RPS6KA2: variants seen among roughly 807,000 people sequenced by gnomAD.
RPS6KA2 encodes the protein ribosomal protein S6 kinase A2.
A neutral mutation model predicts 91.8 loss-of-function variants in RPS6KA2; 42 were observed. The observed-to-expected ratio is 0.46, with a 90% CI of 0.36 to 0.59. The LOEUF is 0.59. Among genes scored for constraint, RPS6KA2 ranks in the 20% least tolerant of loss-of-function variants. The probability of loss-of-function intolerance (pLI) is 0.00; values close to 1 mark genes in which losing one functional copy is unlikely to be tolerated. For missense variants in RPS6KA2, 798 were observed against 978.5 expected (o/e 0.82, Z 2.46); for synonymous variants, 414 against 393.6 (o/e 1.05, Z -0.61).
chr6:166,577,304 C>T (rs55782329), intron 1 of RPS6KA2, among the ~76,000 whole-genome samples: 1,891 of 152,280 alleles, frequency 0.012, 10 homozygotes, highest in Non-Finnish European at 0.016. Flanking sequence ...AGAAGGCCAC[C>T]ATCCTCCAGA....
In RPS6KA2 at chr6:166,579,257, T is replaced by C. The variant is rs140560788; in HGVS notation, c.100-40473A>G. Among the ~76,000 whole-genome samples, 528 of 152,332 alleles carry C rather than the reference T, an allele frequency of 3.5e-3. 2 individuals are homozygous for C. The highest frequency in any genetic ancestry group is 0.012 in the African/African-American group (506 of 41,566). ...TGAGTGCCATTATGATAAAATGTCA[T>C]GTTATTATAAAATTTGAAGTTATAA... On this transcript the variant is annotated intron_variant, in intron 1 of 20. Transcript: ENST00000265678.
chr6:166,576,074 TCAGGGG>T (rs1784829792), intron 1 of RPS6KA2, among the ~76,000 whole-genome samples: 1 of 152,194 alleles, frequency 6.6e-6, no homozygotes, highest in African/African-American at 2.4e-5. Flanking sequence ...GATGGGTTTA[TCAGGGG>T]CTTCTGCCTT....
chr6:166,441,353 G>A (rs2235293), intron 14 of RPS6KA2, among the ~76,000 whole-genome samples: 2,079 of 152,214 alleles, frequency 0.014, 58 homozygotes, highest in East Asian at 0.099. Context: ...CTCAACTGCT[G>A]TTTCTCTTTG....
At chr6:166,739,602 A>G (rs1790755949) in intron 2 of RPS6KA2, among the ~76,000 whole-genome samples, 1 of 152,246 alleles carries the variant, frequency 6.6e-6, no homozygotes, top group Non-Finnish European at 1.5e-5. Context: ...AAAGACAGGA[A>G]AAGAGGGTGT....
chr6:166,857,045 C>A (rs889349632), intron 2 of RPS6KA2, among the ~76,000 whole-genome samples: 1 of 152,200 alleles, frequency 6.6e-6, no homozygotes, highest in Non-Finnish European at 1.5e-5. Flanking sequence ...CGTAAGGCAG[C>A]TGAATGCCAT....
At chr6:166,660,398 G>A (rs1009202123) in intron 2 of RPS6KA2, among the ~76,000 whole-genome samples, 6 of 110,830 alleles carry the variant, frequency 5.4e-5, no homozygotes, top group South Asian at 2.6e-4. Flanking sequence ...GCATGCGTGC[G>A]TGTGTGTGTG....
At chr6:166,600,033 A>C (rs1785675716) in intron 1 of RPS6KA2, among the ~76,000 whole-genome samples, 1 of 152,112 alleles carries the variant, frequency 6.6e-6, no homozygotes. Flanking sequence ...TTTGAGACAG[A>C]GTCTTGCTCC....
chr6:166,553,146 T>C (rs1166449005), intron 1 of RPS6KA2, among the ~76,000 whole-genome samples: 2 of 152,224 alleles, frequency 1.3e-5, no homozygotes, highest in African/African-American at 2.4e-5. Flanking sequence ...TGAAACAGGG[T>C]CTCACTCTGT....
intron 2 of RPS6KA2, among the ~76,000 whole-genome samples, chr6:166,784,984 C>G (rs1778892249): frequency 6.6e-6 from 1 of 152,222 alleles, no homozygotes; most frequent in Admixed American, 6.5e-5. Context: ...AGGAAAATCC[C>G]CAGCTTGCCC....
intron 1 of RPS6KA2, among the ~76,000 whole-genome samples, chr6:166,579,211 T>C (rs546271087): frequency 9.7e-4 from 147 of 152,326 alleles, no homozygotes; most frequent in Non-Finnish European, 1.5e-3. Flanking sequence ...TTGTATTCTA[T>C]TTTCTGCATT....
At chr6:166,711,374 A>T (rs1253510026) in intron 2 of RPS6KA2, among the ~76,000 whole-genome samples, 5 of 149,536 alleles carry the variant, frequency 3.3e-5, no homozygotes, top group African/African-American at 1.2e-4. Context: ...AAAAATCACT[A>T]ATTACACAAA....
chr6:166,795,368 T>A (rs1252390559), intron 2 of RPS6KA2, among the ~76,000 whole-genome samples: 2 of 152,136 alleles, frequency 1.3e-5, no homozygotes, highest in African/African-American at 4.8e-5. Flanking sequence ...ACAGAACACA[T>A]ACAAACACAA....
intron 2 of RPS6KA2, among the ~76,000 whole-genome samples, chr6:166,788,927 G>A (rs1396482145): frequency 2.0e-5 from 3 of 152,216 alleles, no homozygotes; most frequent in Non-Finnish European, 4.4e-5. Context: ...AGCTCCCAGG[G>A]TGAGTGACGC....
intron 8 of RPS6KA2, among the ~76,000 whole-genome samples, chr6:166,497,628 C>T (rs1781837587): frequency 6.6e-6 from 1 of 152,202 alleles, no homozygotes; most frequent in South Asian, 2.1e-4. Context: ...GCCCTGGGCA[C>T]CAGCCGGGGG....
At chr6:166,534,378 A>T (rs1783413358) in intron 2 of RPS6KA2, among the ~76,000 whole-genome samples, 1 of 152,140 alleles carries the variant, frequency 6.6e-6, no homozygotes, top group Admixed American at 6.5e-5. Flanking sequence ...CCTCTTTCAA[A>T]ATGGGAGGAC....
At position 166,490,278 on chromosome 6, in the gene RPS6KA2, G is replaced by T. The variant is rs1781542615; in HGVS notation, c.818+393C>A. On this transcript the variant is annotated intron_variant, in intron 9 of 20. Coordinates refer to ENST00000265678, the MANE Select transcript of RPS6KA2 (RefSeq NM_021135.6). The surrounding 1 kb of genome is among the most constrained non-coding windows in gnomAD (Gnocchi z 4.2). The stretch of plus-strand genomic sequence containing the variant: ...GATCTCTCCGGACAAGGCCCTGGAG[G>T]CCTTGTGTCTTTTTCCGTCTATCCT... 1.3e-5 allele frequency among the ~76,000 whole-genome samples: 2 copies of T among 152,140 alleles called. No homozygotes were observed. Among genetic ancestry groups the T allele is most frequent in the Admixed American group, 1.3e-4 (2 of 15,288 alleles).
chr6:166,790,609 G>A (rs1370679019), intron 2 of RPS6KA2, among the ~76,000 whole-genome samples: 2 of 152,180 alleles, frequency 1.3e-5, no homozygotes, highest in East Asian at 1.9e-4. Context: ...AGGGCAGCCA[G>A]AGAGAAAGCT....
Position 166,423,521 on chromosome 6 carries a change from T to A in RPS6KA2, c.1582-104A>T. 8.8e-7 allele frequency: 1 copy of A among 1,141,486 alleles called. No individual in the cohort carries two copies. The highest frequency in any genetic ancestry group is 1.2e-6 in the Non-Finnish European group (1 of 807,268). The allele number at this position is 1,141,486 out of a possible 1,614,324, so 70.7% of individuals were successfully genotyped here. A position where few individuals can be genotyped will look rare whatever the true frequency, so the allele number is the denominator to read the frequency against. On this transcript the variant is annotated intron_variant, in intron 16 of 20. Coordinates refer to ENST00000265678, the MANE Select transcript of RPS6KA2 (RefSeq NM_021135.6). This position sits in a 1 kb window ranked among gnomAD's most constrained non-coding sequence, Gnocchi z 4.8. ...AGGGTGCATTTGGGAACTGTCTTCC[T>A]AGCAGGTCCTGCAAGCAGGCAACAG...
At chr6:166,464,077 G>A (rs1583168489) in intron 11 of RPS6KA2, among the ~76,000 whole-genome samples, 1 of 152,204 alleles carries the variant, frequency 6.6e-6, no homozygotes, top group East Asian at 1.9e-4. Context: ...CAGCTGCATG[G>A]AGACGCCTGT....
Sources: gnomAD v4.1 joint callset for allele counts (sites outside exome capture counted in the v4.1 genomes callset) on GRCh38, gnomAD v4.1.1 for gene constraint, Gnocchi (gnomAD v3.1) non-coding constraint, MANE v1.5 for transcripts, NCBI Gene and HGNC (gene_info 2026-07-23, HGNC 2026-07-21) for gene names.